Variants in FRMPD2 observed in about 807,000 individuals in gnomAD.
FRMPD2 encodes the protein FERM and PDZ domain containing 2.
FRMPD2 carries 96 observed loss-of-function variants against 140.1 expected under a neutral mutation model. That is an observed-to-expected ratio of 0.69 (90% CI 0.58 to 0.81). The LOEUF is 0.81. Ranked by LOEUF, FRMPD2 falls within the 40% of genes least tolerant of loss-of-function variation. The pLI is 0.00. For missense variants in FRMPD2, 1,240 were observed against 1,447.4 expected (o/e 0.86, Z 2.32); for synonymous variants, 449 against 547.6 (o/e 0.82, Z 2.52).
At chr10:48,192,347 C>A (rs529460559) in intron 16 of FRMPD2, among the ~76,000 whole-genome samples, 2 of 152,160 alleles carry the variant, frequency 1.3e-5, no homozygotes, top group East Asian at 3.9e-4. Context: ...TTTGGGAGGC[C>A]GAGGAGGGTG....
intron 7 of FRMPD2, among the ~76,000 whole-genome samples, chr10:48,238,600 T>C (rs1272571100): frequency 3.3e-5 from 5 of 152,204 alleles, no homozygotes; most frequent in African/African-American, 4.8e-5. Context: ...CTCTACGATA[T>C]CCAATCAGGG....
At chr10:48,274,471 T>C in intron 1 of FRMPD2, 72 bp downstream of exon 1, 6 of 1,341,632 alleles carry the variant, frequency 4.5e-6, no homozygotes, top group Non-Finnish European at 6.4e-6. Context: ...TCCGGATACC[T>C]AGACCCAGTA....
chr10:48,254,433 C>T (rs1840450243), intron 1 of FRMPD2, among the ~76,000 whole-genome samples: 1 of 152,240 alleles, frequency 6.6e-6, no homozygotes, highest in Non-Finnish European at 1.5e-5. Context: ...CTTCCCACCT[C>T]CCTGTCCCTT....
chr10:48,181,557 C>T (rs2132422464), intron 20 of FRMPD2, among the ~76,000 whole-genome samples: 1 of 152,188 alleles, frequency 6.6e-6, no homozygotes, highest in Middle Eastern at 3.4e-3. Flanking sequence ...TTGGTAATAA[C>T]CAAACTGCAG....
intron 1 of FRMPD2, among the ~76,000 whole-genome samples, chr10:48,259,027 T>C (rs1227727419): frequency 6.6e-6 from 1 of 152,208 alleles, no homozygotes; most frequent in East Asian, 1.9e-4. Flanking sequence ...ATCTGAAAAA[T>C]TGAAGTAAAA....
At chr10:48,252,108 G>A (rs73296347) in intron 1 of FRMPD2, among the ~76,000 whole-genome samples, 6,870 of 152,170 alleles carry the variant, frequency 0.045, 506 homozygotes, top group African/African-American at 0.15. Flanking sequence ...TTTGCCTGCA[G>A]TACGTGATTC....
At chr10:48,176,737 G>A (rs1276004764) in intron 22 of FRMPD2, among the ~76,000 whole-genome samples, 1 of 151,982 alleles carries the variant, frequency 6.6e-6, no homozygotes, top group African/African-American at 2.4e-5. Context: ...TGTCTGATAA[G>A]GCTGTTACCC....
chr10:48,273,800 T>C (rs1216718364), intron 1 of FRMPD2, among the ~76,000 whole-genome samples: 1 of 152,064 alleles, frequency 6.6e-6, no homozygotes, highest in African/African-American at 2.4e-5. Flanking sequence ...AACTACTTAA[T>C]TGGTTTCAGC....
rs1375440443 is a variant in FRMPD2 at position 48,261,811 on chromosome 10, G to A, written c.26-10120C>T. 7.9e-5 allele frequency among the ~76,000 whole-genome samples: 12 copies of A among 152,204 alleles called. No homozygotes were observed. In the South Asian group the frequency reaches 2.5e-3, roughly 32 times the overall value. On this transcript the variant is annotated intron_variant, in intron 1 of 28. Coordinates refer to ENST00000374201, the MANE Select transcript of FRMPD2 (RefSeq NM_001018071.4). ...TGCCTTATAAATAAGTAAAATAAATGCCAGTCAGTTATAAAGGCTGGAAGG... is the reference window on the plus strand; with the variant it reads ...TGCCTTATAAATAAGTAAAATAAATACCAGTCAGTTATAAAGGCTGGAAGG...
At position 48,163,647 on chromosome 10, in the gene FRMPD2, C is replaced by A. The variant is rs1251900175; in HGVS notation, c.3562G>T (p.Glu1188Ter). 7 of 1,482,712 alleles carry A rather than the reference C, an allele frequency of 4.7e-6. No individual in the cohort carries two copies. Among genetic ancestry groups the A allele is most frequent in the African/African-American group, 1.4e-5 (1 of 70,336 alleles). The allele number at this position is 1,482,712 out of a possible 1,614,324, so 91.8% of individuals were successfully genotyped here. ...WQTPELSADK[E>*]FTRATCTDSC... The stretch of plus-strand genomic sequence containing the variant: ...TCAGTACATGTTGCCCTGGTGAATT[C>A]TTTGTCAGCTGAGAGTTCAGGTGTC... The change falls in exon 28 of 29, where the codon GAA (glutamate) becomes TAA (stop). Residue 1188 changes from glutamate (E) to a stop codon, truncating the protein, a stop_gained. Transcript: ENST00000374201. LOFTEE classifies it high-confidence loss of function.
intron 3 of FRMPD2, among the ~76,000 whole-genome samples, chr10:48,246,648 AG>A (rs1393260784): frequency 6.6e-6 from 1 of 152,220 alleles, no homozygotes; most frequent in Non-Finnish European, 1.5e-5. Flanking sequence ...TGCACTGTTT[AG>A]GGCAGATGTT....
chr10:48,264,872 T>A (rs1401304595), intron 1 of FRMPD2, among the ~76,000 whole-genome samples: 1 of 152,082 alleles, frequency 6.6e-6, no homozygotes, highest in Non-Finnish European at 1.5e-5. Context: ...GTAGGACTGA[T>A]CCAACTATCC....
In FRMPD2 at chr10:48,239,667, C is replaced by T; in HGVS notation, c.726G>A (p.Gln242=). The T allele has an allele frequency of 6.2e-7, 1 of 1,613,996 alleles. No individual in the cohort carries two copies. Among genetic ancestry groups the T allele is most frequent in the Admixed American group, 1.7e-5 (1 of 60,024 alleles). ...TGCTCCAATGGGGCTCTGGTGAGCT[C>T]TGGGTCTCCGTGCTTCTTTCTGAAA... ...CRVSERSTET[Q]SSPEPHWSTL... is the part of the protein sequence containing the mutation. The change falls in exon 7 of 29, where the codon CAG becomes CAA. Residue 242 remains glutamine, a synonymous_variant. Transcript: ENST00000374201.
At chr10:48,182,339 G>A (rs1414814396) in intron 20 of FRMPD2, among the ~76,000 whole-genome samples, 4 of 152,164 alleles carry the variant, frequency 2.6e-5, no homozygotes, top group Non-Finnish European at 5.9e-5. Context: ...GAAATGAAAA[G>A]TCAAACCATG....
At chr10:48,202,001 C>T (rs1045145730) in intron 14 of FRMPD2, among the ~76,000 whole-genome samples, 2 of 151,972 alleles carry the variant, frequency 1.3e-5, no homozygotes, top group Non-Finnish European at 1.5e-5. Context: ...AGAAACGCTT[C>T]CCCACATTAT....
At chr10:48,203,122 T>C (rs1839127257) in intron 14 of FRMPD2, among the ~76,000 whole-genome samples, 2 of 152,144 alleles carry the variant, frequency 1.3e-5, no homozygotes, top group Non-Finnish European at 2.9e-5. Flanking sequence ...TAAAATGTAA[T>C]AACTATTTTT....
intron 22 of FRMPD2, 155 bp downstream of exon 22, chr10:48,177,892 T>G (rs538151801): frequency 9.6e-5 from 52 of 541,214 alleles, no homozygotes; most frequent in South Asian, 3.3e-4. Flanking sequence ...TCTGAACTCA[T>G]CCCCCAGTGC....
intron 13 of FRMPD2, among the ~76,000 whole-genome samples, chr10:48,208,185 A>G (rs757861981): frequency 6.6e-6 from 1 of 152,228 alleles, no homozygotes; most frequent in Admixed American, 6.5e-5. Flanking sequence ...CCACCACAAG[A>G]TAATAGGCAG....
chr10:48,229,804 T>G (rs527690737), intron 10 of FRMPD2, among the ~76,000 whole-genome samples: 1 of 152,296 alleles, frequency 6.6e-6, no homozygotes, highest in African/African-American at 2.4e-5. Context: ...CATGGAATGT[T>G]ATGGTGTTGG....
Sources: allele counts gnomAD v4.1 joint callset (sites outside exome capture counted in the v4.1 genomes callset), GRCh38; gene constraint gnomAD v4.1.1; transcripts MANE v1.5; gene names NCBI Gene and HGNC (gene_info 2026-07-23, HGNC 2026-07-21).